GPD1L: variants seen among roughly 807,000 people sequenced by gnomAD.
The protein encoded by GPD1L is glycerol-3-phosphate dehydrogenase 1 like.
In GPD1L, 17 loss-of-function variants were observed where a neutral mutation model predicts 32.9. The observed-to-expected ratio is 0.52, with a 90% CI of 0.35 to 0.78. The LOEUF is 0.78. Among genes scored for constraint, GPD1L ranks in the 30% least tolerant of loss-of-function variants. The pLI, the probability that GPD1L is intolerant of heterozygous loss-of-function variation, is 0.01. For missense variants in GPD1L, 361 were observed against 447.8 expected, an observed-to-expected ratio of 0.81 and a Z score of 1.75; for synonymous variants, 187 against 165.9, an observed-to-expected ratio of 1.13 and a Z score of -0.98.
rs768304305 is a variant in GPD1L, at chr3:32,138,690, G to A, written c.329G>A (p.Arg110Lys). The A allele has an allele frequency of 2.5e-6, 4 of 1,614,128 alleles. No homozygotes were observed. Residue 110 changes from arginine to lysine, a missense_variant, in exon 3 of 8, where the codon AGA becomes AAA. Arg to Lys is a conservative substitution (Grantham distance 26). Transcript: ENST00000282541. ...IHRICDEITG[R>K]VPKKALGITL... ...AGAATCTGTGATGAGATCACTGGGA[G>A]AGTGCCCAAGAAAGCGCTGGGAATC...
chr3:32,150,194 G>A (rs1363953167), intron 5 of GPD1L, among the ~76,000 whole-genome samples: 2 of 152,094 alleles, frequency 1.3e-5, no homozygotes, highest in Non-Finnish European at 2.9e-5. Context: ...TTTTATAAGT[G>A]GAACTGTACA....
At chr3:32,148,365 A>G (rs1219442000) in intron 5 of GPD1L, among the ~76,000 whole-genome samples, 1 of 152,176 alleles carries the variant, frequency 6.6e-6, no homozygotes, top group Non-Finnish European at 1.5e-5. Context: ...TTTTGCTGGC[A>G]GGAAGACTGT....
At chr3:32,130,983 C>T (rs1700579884) in intron 2 of GPD1L, among the ~76,000 whole-genome samples, 3 of 151,894 alleles carry the variant, frequency 2.0e-5, no homozygotes, top group Non-Finnish European at 4.4e-5. Context: ...CCGCTGCACT[C>T]CAGCCTGGGC....
At chr3:32,146,453 T>C (rs1700827493) in intron 4 of GPD1L, among the ~76,000 whole-genome samples, 169 bp from the exon 5 acceptor site, 3 of 152,204 alleles carry the variant, frequency 2.0e-5, no homozygotes, top group Non-Finnish European at 4.4e-5. Context: ...ATCACCTCGA[T>C]TGGAAACGGG....
rs536879551 is a variant in GPD1L, at chr3:32,162,385, C to CTT, written c.959+2721_959+2722dup. 7.2e-3 allele frequency among the ~76,000 whole-genome samples: 871 copies of CTT among 121,196 alleles called. 244 individuals carry two copies. Among genetic ancestry groups the CTT allele is most frequent in the African/African-American group, 0.029 (801 of 27,660 alleles). 79.5% of individuals were successfully genotyped at this position (121,196 alleles called of 152,430 possible). Reference sequence around the variant, plus strand: ...TCTCATTTTACCTTAATTACCTTTTCTTTTTTTTTTTGAGACGGAGTCTCG... The same window carrying CTT: ...TCTCATTTTACCTTAATTACCTTTTCTTTTTTTTTTTTTGAGACGGAGTCTCG... On this transcript the variant is annotated intron_variant, in intron 7 of 7. Transcript: ENST00000282541.
At chr3:32,145,050 G>A (rs1452249970) in intron 4 of GPD1L, among the ~76,000 whole-genome samples, 1 of 151,598 alleles carries the variant, frequency 6.6e-6, no homozygotes, top group African/African-American at 2.4e-5. Flanking sequence ...CGGGTGCGGT[G>A]GCTCATGCCT....
intron 2 of GPD1L, among the ~76,000 whole-genome samples, chr3:32,128,783 G>A (rs1156858019): frequency 2.0e-5 from 3 of 152,156 alleles, no homozygotes; most frequent in Admixed American, 2.0e-4. Flanking sequence ...AGCCACCTCT[G>A]GAACTAACAA....
chr3:32,137,798 C>T (rs904618313), intron 2 of GPD1L, among the ~76,000 whole-genome samples: 1 of 152,186 alleles, frequency 6.6e-6, no homozygotes, highest in Non-Finnish European at 1.5e-5. Context: ...GAGTGTATAT[C>T]AAGTCCCAGG....
intron 4 of GPD1L, among the ~76,000 whole-genome samples, chr3:32,143,027 T>A (rs895714902): frequency 9.2e-5 from 14 of 151,496 alleles, no homozygotes; most frequent in East Asian, 3.9e-4. Flanking sequence ...AAAAAAAAAA[T>A]TTTTTAATTA....
chr3:32,122,505 C>T (rs7611385), intron 1 of GPD1L, among the ~76,000 whole-genome samples: 80,944 of 152,144 alleles, frequency 0.53, 24,831 homozygotes, highest in East Asian at 0.9. Context: ...CATTACAGGA[C>T]TTGTGAAATA....
intron 1 of GPD1L, among the ~76,000 whole-genome samples, chr3:32,124,235 T>G (rs951772453): frequency 8.5e-5 from 13 of 152,108 alleles, no homozygotes; most frequent in African/African-American, 2.9e-4. Flanking sequence ...TCAGCTAATT[T>G]TTTGTATTTT....
intron 6 of GPD1L, 62 bp from the exon 7 acceptor site, chr3:32,159,506 A>G (rs1485889514): frequency 2.0e-6 from 2 of 1,019,528 alleles, no homozygotes; most frequent in Non-Finnish European, 3.0e-6. Flanking sequence ...AAAATTAAAC[A>G]AATAAATGAT....
At chr3:32,163,006 A>G (rs1575123959) in intron 7 of GPD1L, among the ~76,000 whole-genome samples, 3 of 134,162 alleles carry the variant, frequency 2.2e-5, no homozygotes, top group African/African-American at 9.2e-5. Flanking sequence ...CAATCTGCCC[A>G]CCTTGGCTTC....
chr3:32,138,764 G>A (rs758316011), intron 3 of GPD1L, 37 bp downstream of exon 3: 11 of 1,607,358 alleles, frequency 6.8e-6, no homozygotes, highest in African/African-American at 1.3e-5. Context: ...CTAGACATTG[G>A]TTATCAGGAA....
intron 2 of GPD1L, 42 bp from the exon 3 acceptor site, chr3:32,138,545 G>T: frequency 6.2e-7 from 1 of 1,605,274 alleles, no homozygotes; most frequent in South Asian, 1.1e-5. Context: ...GGCAAGGTTT[G>T]ATATAAGAGG....
chr3:32,150,378 G>A (rs1247146867), intron 5 of GPD1L, among the ~76,000 whole-genome samples: 2 of 152,146 alleles, frequency 1.3e-5, no homozygotes, highest in Non-Finnish European at 2.9e-5. Flanking sequence ...CTTGGCTCAA[G>A]CTGTTTTCCT....
rs1057524264 is a variant in GPD1L at position 32,106,665 on chromosome 3, C to G, written c.-47C>G. ...GCAAGGCTGAACAGGCGGAGGTGGG[C>G]AGCCGGCCAGGGAAGCACGGTCCAG... On this transcript the variant is annotated 5_prime_UTR_variant, in exon 1 of 8. Coordinates refer to ENST00000282541, the MANE Select transcript of GPD1L (RefSeq NM_015141.4). This position sits in a 1 kb window ranked among gnomAD's most constrained non-coding sequence, Gnocchi z 4.0. 1 of 1,479,102 alleles carries G rather than the reference C, an allele frequency of 6.8e-7. No individual in the cohort carries two copies. Among genetic ancestry groups the G allele is most frequent in the Non-Finnish European group, 9.0e-7 (1 of 1,109,830 alleles). The allele number at this position is 1,479,102 out of a possible 1,614,324, so 91.6% of individuals were successfully genotyped here.
chr3:32,114,683 C>T (rs759413721), intron 1 of GPD1L, among the ~76,000 whole-genome samples: 15 of 152,168 alleles, frequency 9.9e-5, no homozygotes, highest in African/African-American at 2.2e-4. Flanking sequence ...TCGCTGACTT[C>T]GAGAATGAAG....
rs34385950 is a variant in GPD1L at position 32,163,161 on chromosome 3, CTTTT to C, written c.960-2631_960-2628del. ...GGGATAGCTGGCTGACTGGTTTGTC[CTTTT>C]TTTTTTTTTTTTTTTTTTTTTGAGA... On this transcript the variant is annotated intron_variant, in intron 7 of 7. Coordinates refer to ENST00000282541, the MANE Select transcript of GPD1L (RefSeq NM_015141.4). 2.0e-4 allele frequency among the ~76,000 whole-genome samples: 16 copies of C among 78,054 alleles called. No individual in the cohort carries two copies. The South Asian group carries it at 4.0e-3, about 19-fold the overall frequency. 51.2% of individuals were successfully genotyped at this position (78,054 alleles called of 152,430 possible).
Sources: allele counts gnomAD v4.1 joint callset (sites outside exome capture counted in the v4.1 genomes callset), GRCh38; gene constraint gnomAD v4.1.1; non-coding constraint Gnocchi (gnomAD v3.1); transcripts MANE v1.5; gene names NCBI Gene and HGNC (gene_info 2026-07-23, HGNC 2026-07-21).